Variants in SLC22A25 observed in about 807,000 individuals in gnomAD.
The protein encoded by SLC22A25 is MGI:2442751, MGI:2385316, MGI:3042283, MGI:3645714, MGI:3605624, MGI:2442750.
SLC22A25 carries 44 observed loss-of-function variants against 45.9 expected under a neutral mutation model. The ratio of observed to expected loss-of-function variants is 0.96; its 90% confidence interval spans 0.75 to 1.23. The LOEUF is 1.23. SLC22A25 is among the 50% of genes most tolerant of loss of function. SLC22A25 has a pLI of 0.00. For synonymous variants in SLC22A25, 283 were observed against 238.6 expected (o/e 1.19, Z -1.72); for missense variants, 800 against 666.4 (o/e 1.20, Z -2.21).
chr11:63,235,641 A>G (rs996628138), intron 3 of SLC22A25, among the ~76,000 whole-genome samples: 1 of 152,128 alleles, frequency 6.6e-6, no homozygotes, highest in Non-Finnish European at 1.5e-5. Flanking sequence ...TCCTCTCTCA[A>G]GTCATTGAAG....
intron 5 of SLC22A25, among the ~76,000 whole-genome samples, chr11:63,221,056 G>A (rs1042451239): frequency 5.9e-5 from 9 of 151,974 alleles, no homozygotes; most frequent in African/African-American, 2.2e-4. Context: ...TCCAAATCTT[G>A]GCTATTGTGA....
intron 3 of SLC22A25, among the ~76,000 whole-genome samples, chr11:63,231,236 A>G (rs926135544): frequency 1.3e-5 from 2 of 152,218 alleles, no homozygotes; most frequent in African/African-American, 4.8e-5. Flanking sequence ...ACTGTGTTCC[A>G]CAATGGTTGA....
At chr11:63,179,048 A>T (rs545105846) in intron 9 of SLC22A25, among the ~76,000 whole-genome samples, 19 of 151,846 alleles carry the variant, frequency 1.3e-4, no homozygotes, top group African/African-American at 3.9e-4. Flanking sequence ...TGCAACCTCC[A>T]CTTCGTGGGT....
chr11:63,242,964 T>C (rs965474454), intron 1 of SLC22A25: 3 of 154,950 alleles, frequency 1.9e-5, no homozygotes, highest in Admixed American at 6.5e-5. Flanking sequence ...AAACCCCCTA[T>C]TGAGCCAAAG....
rs1233294353 is a variant in SLC22A25, at chr11:63,237,889, T to A, written c.-453A>T. ...TGGATGGAAATACTCACTAGTATAGTGATCTTTGAACAGAGATGCTCATCT... is the reference window on the plus strand; with the variant it reads ...TGGATGGAAATACTCACTAGTATAGAGATCTTTGAACAGAGATGCTCATCT... On this transcript the variant is annotated 5_prime_UTR_variant, in exon 3 of 12. Transcript: ENST00000306494. 6.6e-6 allele frequency: 1 copy of A among 152,238 alleles called. No homozygotes were observed. The highest frequency in any genetic ancestry group is 1.5e-5 in the Non-Finnish European group (1 of 68,042). 9.4% of individuals were successfully genotyped at this position (152,238 alleles called of 1,614,324 possible). A position where few individuals can be genotyped will look rare whatever the true frequency, so the allele number is the denominator to read the frequency against.
intron 8 of SLC22A25, among the ~76,000 whole-genome samples, chr11:63,183,299 C>T (rs1228768943): frequency 6.6e-6 from 1 of 152,008 alleles, no homozygotes; most frequent in East Asian, 1.9e-4. Flanking sequence ...AATAAGTGAA[C>T]CTCCTTATGT....
chr11:63,189,985 C>T (rs903262584), intron 7 of SLC22A25, among the ~76,000 whole-genome samples: 2 of 152,076 alleles, frequency 1.3e-5, no homozygotes, highest in Admixed American at 6.5e-5. Flanking sequence ...ACATTTTTTC[C>T]TTCATTTCAA....
At chr11:63,223,291 C>T (rs1005660548) in intron 5 of SLC22A25, among the ~76,000 whole-genome samples, 2 of 152,026 alleles carry the variant, frequency 1.3e-5, no homozygotes, top group Non-Finnish European at 2.9e-5. Context: ...ATTACAGCTT[C>T]AATCTCATTA....
intron 7 of SLC22A25, among the ~76,000 whole-genome samples, chr11:63,194,531 A>G (rs921048277): frequency 6.6e-6 from 1 of 152,158 alleles, no homozygotes; most frequent in African/African-American, 2.4e-5. Flanking sequence ...TTTTGTCACC[A>G]TCAGGCCTGC....
At chr11:63,239,767 C>A (rs1182758067) in intron 1 of SLC22A25, among the ~76,000 whole-genome samples, 3 of 152,140 alleles carry the variant, frequency 2.0e-5, no homozygotes, top group African/African-American at 4.8e-5. Context: ...TAAGCCATGG[C>A]AAGCTCATTT....
intron 1 of SLC22A25, among the ~76,000 whole-genome samples, chr11:63,240,012 G>A (rs1018703879): frequency 1.3e-5 from 2 of 152,142 alleles, no homozygotes; most frequent in African/African-American, 4.8e-5. Flanking sequence ...ATCATGGAGT[G>A]TACTTACGCA....
rs574865674 is a variant in SLC22A25, at chr11:63,189,194, G to A, written c.831-5377C>T. Among the ~76,000 whole-genome samples the A allele has an allele frequency of 3.4e-4, 51 of 152,238 alleles. No individual in the cohort carries two copies. The South Asian group carries it at 4.8e-3, about 14-fold the overall frequency. On this transcript the variant is annotated intron_variant, in intron 7 of 11. Coordinates refer to ENST00000306494, the MANE Select transcript of SLC22A25 (RefSeq NM_199352.6). ...TGTGGGAGCCTAAGTCTCTTCCTAG[G>A]TCTCTAAGGACTAGTTTTATGAATC...
intron 3 of SLC22A25, among the ~76,000 whole-genome samples, chr11:63,230,498 ATAT>A (rs2090046821): frequency 6.6e-6 from 1 of 152,190 alleles, no homozygotes; most frequent in Non-Finnish European, 1.5e-5. Flanking sequence ...GATATTGTAA[ATAT>A]TATGTGAGAC....
chr11:63,180,712 A>G lies in SLC22A25; in HGVS notation c.1018T>C (p.Leu340=). The G allele has an allele frequency of 1.9e-6, 3 of 1,613,252 alleles. No individual in the cohort carries two copies. The highest frequency in any genetic ancestry group is 2.5e-6 in the Non-Finnish European group (3 of 1,179,528). The change falls in exon 9 of 12, where the codon TTG becomes CTG. Residue 340 remains leucine (L), a synonymous_variant. Transcript: ENST00000306494. ...AAQKKHSLCE[L]LRIPNICKRI... is the part of the protein sequence containing the mutation. ...TTACATATGTTGGGTATGCGGAGCA[A>G]TTCACAAAGAGAATGCTTTTTCTGT...
chr11:63,232,803 G>A (rs148769823), intron 3 of SLC22A25, among the ~76,000 whole-genome samples: 3,734 of 152,148 alleles, frequency 0.025, 157 homozygotes, highest in African/African-American at 0.086. Flanking sequence ...TTTGAGATTC[G>A]TCCTATCAAT....
At chr11:63,239,357 A>T (rs991389217) in intron 1 of SLC22A25, among the ~76,000 whole-genome samples, 13 of 152,220 alleles carry the variant, frequency 8.5e-5, no homozygotes, top group African/African-American at 3.1e-4. Context: ...ATACTCCAAC[A>T]GTTGTCAATG....
chr11:63,190,938 G>A (rs1483210796), intron 7 of SLC22A25, among the ~76,000 whole-genome samples: 3 of 152,210 alleles, frequency 2.0e-5, no homozygotes, highest in Non-Finnish European at 4.4e-5. Context: ...CCAGCCGTGT[G>A]AGGTGTCAGT....
chr11:63,180,610 A>G (rs765628259), intron 9 of SLC22A25, 50 bp downstream of exon 9: 1 of 1,293,126 alleles, frequency 7.7e-7, no homozygotes, highest in South Asian at 1.4e-5. Flanking sequence ...TAAGAAATGG[A>G]TTTATGTCTC....
intron 4 of SLC22A25, among the ~76,000 whole-genome samples, 156 bp downstream of exon 4, chr11:63,229,095 C>T (rs1453127276): frequency 6.6e-6 from 1 of 152,130 alleles, no homozygotes; most frequent in Admixed American, 6.6e-5. Context: ...ATTAAATGTG[C>T]AGGTATCTGG....
Sources: gnomAD v4.1 joint callset for allele counts (sites outside exome capture counted in the v4.1 genomes callset) on GRCh38, gnomAD v4.1.1 for gene constraint, MANE v1.5 for transcripts, NCBI Gene and HGNC (gene_info 2026-07-23, HGNC 2026-07-21) for gene names.